Variants in CCDC102B observed in about 807,000 individuals in gnomAD.
CCDC102B encodes the protein coiled-coil domain containing 102B.
In CCDC102B, 75 loss-of-function variants were observed where a neutral mutation model predicts 57.4. The ratio of observed to expected loss-of-function variants is 1.31; its 90% CI spans 1.08 to 1.58. CCDC102B has a LOEUF of 1.58. Among genes scored for constraint, CCDC102B ranks in the 40% most tolerant of loss-of-function variants. CCDC102B has a pLI of 0.00. For missense variants in CCDC102B, 636 were observed against 582.6 expected, an observed-to-expected ratio of 1.09 and a Z score of -0.94; for synonymous variants, 206 against 201.9, an observed-to-expected ratio of 1.02 and a Z score of -0.17.
intron 2 of CCDC102B, chr18:68,717,868 C>A (rs981143448): frequency 6.6e-6 from 1 of 152,038 alleles, no homozygotes; most frequent in African/African-American, 2.4e-5. Flanking sequence ...ACTTAATTGC[C>A]GGTATGATAA....
intron 4 of CCDC102B, among the ~76,000 whole-genome samples, chr18:68,847,345 G>A (rs2037917576): frequency 6.6e-6 from 1 of 151,694 alleles, no homozygotes; most frequent in Non-Finnish European, 1.5e-5. Flanking sequence ...GTGTGTTTAT[G>A]TGCTCTATAA....
chr18:68,987,228 G>A (rs980113361), intron 6 of CCDC102B, among the ~76,000 whole-genome samples: 1 of 152,114 alleles, frequency 6.6e-6, no homozygotes, highest in African/African-American at 2.4e-5. Context: ...CAGACACATT[G>A]ACCAATGGAG....
rs182413955 is a variant in CCDC102B, at chr18:68,730,207, G to A, written c.-67+13613G>A. Among the ~76,000 whole-genome samples the A allele has an allele frequency of 2.3e-3, 351 of 151,952 alleles. 1 individual carries two copies. The highest frequency in any genetic ancestry group is 6.8e-3 in the Middle Eastern group (2 of 294). On this transcript the variant is annotated intron_variant, in intron 2 of 3. Transcript: ENST00000578970. ...TTATCTAAATGAATTCCATTATTAC[G>A]TACTTCAGATTAGATTTCAGATCAT...
chr18:68,799,701 G>C (rs1044178628), intron 1 of CCDC102B, among the ~76,000 whole-genome samples: 1 of 152,184 alleles, frequency 6.6e-6, no homozygotes, highest in Non-Finnish European at 1.5e-5. Flanking sequence ...AGTGGAACTT[G>C]GATAGGTGCT....
chr18:68,723,784 G>T (rs943380246), intron 2 of CCDC102B, among the ~76,000 whole-genome samples: 5 of 152,208 alleles, frequency 3.3e-5, no homozygotes, highest in South Asian at 4.1e-4. Flanking sequence ...TTTTCCAGCT[G>T]CGTGGTACAT....
At chr18:68,924,770 G>A (rs2041419725) in intron 6 of CCDC102B, among the ~76,000 whole-genome samples, 1 of 152,092 alleles carries the variant, frequency 6.6e-6, no homozygotes, top group Non-Finnish European at 1.5e-5. Context: ...CTCACTTCAA[G>A]GTTCTTGTTA....
intron 6 of CCDC102B, among the ~76,000 whole-genome samples, chr18:68,990,439 C>T (rs2145321885): frequency 6.6e-6 from 1 of 152,256 alleles, no homozygotes; most frequent in South Asian, 2.1e-4. Context: ...GGTGGGAAGA[C>T]CAAGAATCCA....
rs61714863 is a variant in CCDC102B at position 68,810,680 on chromosome 18, G to GTTTTTT, written c.-16+12521_-16+12526dup. Reference sequence around the variant, plus strand: ...TGAAAAATTTTCTTTTCTTTTCTTTGTTTTTTTTTTTTTTTTTTTTTTTTT... The same window carrying GTTTTTT: ...TGAAAAATTTTCTTTTCTTTTCTTTGTTTTTTTTTTTTTTTTTTTTTTTTTTTTTTT... On this transcript the variant is annotated intron_variant, in intron 1 of 7. Coordinates refer to ENST00000360242, the MANE Select transcript of CCDC102B (RefSeq NM_024781.3). Among the ~76,000 whole-genome samples, 343 of 76,980 alleles carry GTTTTTT rather than the reference G, an allele frequency of 4.5e-3. 5 individuals are homozygous for GTTTTTT. The highest frequency in any genetic ancestry group is 5.6e-3 in the Non-Finnish European group (231 of 41,506). The allele number at this position is 76,980 out of a possible 152,430, so 50.5% of individuals were successfully genotyped here. A position where few individuals can be genotyped will look rare whatever the true frequency, so the allele number is the denominator to read the frequency against.
At chr18:68,931,335 T>C (rs1046593010) in intron 6 of CCDC102B, among the ~76,000 whole-genome samples, 1 of 151,960 alleles carries the variant, frequency 6.6e-6, no homozygotes, top group African/African-American at 2.4e-5. Flanking sequence ...CTATGACATT[T>C]TGGACTCAAA....
At chr18:68,919,404 A>G (rs1048756120) in intron 6 of CCDC102B, among the ~76,000 whole-genome samples, 9 of 152,156 alleles carry the variant, frequency 5.9e-5, no homozygotes, top group Non-Finnish European at 7.4e-5. Flanking sequence ...TATTTCTTAT[A>G]TATTTTTACC....
chr18:68,956,474 A>ATATATTTTATATATATATAAATAT (rs2049882204), intron 6 of CCDC102B, among the ~76,000 whole-genome samples: 1 of 39,418 alleles, frequency 2.5e-5, no homozygotes, highest in African/African-American at 1.3e-4. Context: ...TATATATATT[A>ATATATTTTATATATATATAAATAT]TATATATATA....
chr18:69,009,611 C>T (rs10871642), intron 6 of CCDC102B, among the ~76,000 whole-genome samples: 138,981 of 152,084 alleles, frequency 0.91, 64,819 homozygotes, highest in East Asian at 1. Flanking sequence ...TACGTGATGA[C>T]TAAAAGAAAA....
chr18:68,737,416 G>A (rs995926933), intron 2 of CCDC102B, among the ~76,000 whole-genome samples: 1 of 149,680 alleles, frequency 6.7e-6, no homozygotes, highest in South Asian at 2.2e-4. Context: ...CTCCACCAGC[G>A]TTATAGATTC....
At chr18:68,765,057 A>ATAAG (rs2034380030) in intron 2 of CCDC102B, among the ~76,000 whole-genome samples, 2 of 147,736 alleles carry the variant, frequency 1.4e-5, no homozygotes, top group African/African-American at 5.0e-5. Context: ...AAATAAATAA[A>ATAAG]TAAATAAATA....
At chr18:68,792,273 T>G (rs1181294821) in intron 2 of CCDC102B, among the ~76,000 whole-genome samples, 1 of 152,180 alleles carries the variant, frequency 6.6e-6, no homozygotes, top group African/African-American at 2.4e-5. Flanking sequence ...GTTCTAAAAT[T>G]TTCAGTCTCA....
intron 7 of CCDC102B, among the ~76,000 whole-genome samples, chr18:69,030,828 T>G: frequency 6.6e-6 from 1 of 152,148 alleles, no homozygotes; most frequent in South Asian, 2.1e-4. Flanking sequence ...ATCATTTTTG[T>G]ATTTTTAGTA....
chr18:68,827,709 G>A (rs73460011), intron 1 of CCDC102B, among the ~76,000 whole-genome samples: 2,783 of 152,018 alleles, frequency 0.018, 70 homozygotes, highest in African/African-American at 0.05. Flanking sequence ...GATTGGCAGG[G>A]TGAATAAAAC....
rs2035096899 is a variant in CCDC102B, at chr18:68,783,966, A to G, written c.-66-39400A>G. On this transcript the variant is annotated intron_variant, in intron 2 of 3. Transcript: ENST00000578970. ...ATGTTTTACTCTTTCTCAAAAGGAA[A>G]TTGTATAACAATTCTAATAGTGCGT... Among the ~76,000 whole-genome samples the G allele has an allele frequency of 3.3e-5, 5 of 152,200 alleles. No individual in the cohort carries two copies. The South Asian group carries it at 8.3e-4, about 25-fold the overall frequency.
At chr18:68,841,264 A>G (rs554713407) in intron 3 of CCDC102B, among the ~76,000 whole-genome samples, 1 of 152,170 alleles carries the variant, frequency 6.6e-6, no homozygotes, top group African/African-American at 2.4e-5. Flanking sequence ...TCTCTTCTTG[A>G]CTAGTGCACA....
Sources: allele counts gnomAD v4.1 joint callset (sites outside exome capture counted in the v4.1 genomes callset), GRCh38; gene constraint gnomAD v4.1.1; transcripts MANE v1.5; gene names NCBI Gene and HGNC (gene_info 2026-07-23, HGNC 2026-07-21).